NOD1: variants seen among roughly 807,000 people sequenced by gnomAD.
The protein encoded by NOD1 is nucleotide-binding oligomerization domain-containing protein 1.
In NOD1, 70 loss-of-function variants were observed where a neutral mutation model predicts 81.2. The observed-to-expected ratio is 0.86, with a 90% CI of 0.71 to 1.05. The LOEUF (loss-of-function observed/expected upper bound fraction) is 1.05. NOD1 is among the 50% of genes least tolerant of loss of function. The pLI, the probability that NOD1 is intolerant of heterozygous loss-of-function variation, is 0.00. For missense variants in NOD1, 1,233 were observed against 1,228.0 expected, an observed-to-expected ratio of 1.00 and a Z score of -0.06; for synonymous variants, 508 against 526.9, an observed-to-expected ratio of 0.96 and a Z score of 0.49.
chr7:30,445,907 TAG>T (rs572309454), intron 9 of NOD1, among the ~76,000 whole-genome samples: 150 of 150,554 alleles, frequency 1.0e-3, no homozygotes, highest in African/African-American at 3.5e-3. Flanking sequence ...GTCAAAACCA[TAG>T]AGAGAGTAAG....
intron 10 of NOD1, 25 bp downstream of exon 10, chr7:30,437,548 C>G: frequency 4.8e-6 from 7 of 1,468,222 alleles, no homozygotes; most frequent in Non-Finnish European, 6.3e-6. Context: ...AGGTTGGCCC[C>G]TGGAGACAGC....
intron 11 of NOD1, 64 bp downstream of exon 11, chr7:30,435,934 G>A (rs1784341658): frequency 1.5e-6 from 2 of 1,376,886 alleles, no homozygotes; most frequent in Admixed American, 3.4e-5. Flanking sequence ...CTCAAGCCTG[G>A]ACGACAAAGC....
chr7:30,475,585 G>A (rs1788689437), intron 1 of NOD1, among the ~76,000 whole-genome samples: 1 of 152,160 alleles, frequency 6.6e-6, no homozygotes, highest in Non-Finnish European at 1.5e-5. Context: ...CCCATTAGAG[G>A]ACCAAGGTGA....
chr7:30,461,910 T>C (rs1359683364), intron 1 of NOD1, among the ~76,000 whole-genome samples: 3 of 152,206 alleles, frequency 2.0e-5, no homozygotes, highest in Non-Finnish European at 4.4e-5. Flanking sequence ...AGCTAATTTT[T>C]TGTATTTTTA....
At chr7:30,453,300 G>C (rs1052384213) in intron 5 of NOD1, among the ~76,000 whole-genome samples, 1 of 152,048 alleles carries the variant, frequency 6.6e-6, no homozygotes, top group African/African-American at 2.4e-5. Context: ...ACTTCAGCTG[G>C]GATCAGTGTC....
chr7:30,469,011 C>T (rs1171426925), intron 1 of NOD1: 2 of 985,332 alleles, frequency 2.0e-6, no homozygotes, highest in Admixed American at 1.2e-4. Context: ...CCAAGCACAC[C>T]TTACACAGCT....
At chr7:30,429,283 CAG>C in intron 13 of NOD1, 89 bp downstream of exon 13, 1 of 1,145,878 alleles carries the variant, frequency 8.7e-7, no homozygotes, top group Non-Finnish European at 1.3e-6. Context: ...GAGGAATAAA[CAG>C]AAACCACCCT....
At position 30,424,786 on chromosome 7, in the gene NOD1, G is replaced by A. The variant is rs1288092535; in HGVS notation, c.*852C>T. On this transcript the variant is annotated 3_prime_UTR_variant, in exon 14 of 14. Transcript: ENST00000222823. ...ACAAAAGCAGCCATTTGGATGCCAG[G>A]GCCACAGGGGCAAGCCATGCCCTAT... is the stretch of plus-strand genomic sequence containing the variant. 1 of 152,372 alleles carries A rather than the reference G, an allele frequency of 6.6e-6. No homozygotes were observed. Among genetic ancestry groups the A allele is most frequent in the Non-Finnish European group, 1.5e-5 (1 of 68,098 alleles). The allele number at this position is 152,372 out of a possible 1,614,324, so 9.4% of individuals were successfully genotyped here.
intron 3 of NOD1, among the ~76,000 whole-genome samples, chr7:30,458,113 G>A (rs1236386102): frequency 6.6e-6 from 1 of 152,076 alleles, no homozygotes; most frequent in Non-Finnish European, 1.5e-5. Flanking sequence ...GTAGGAACAG[G>A]GACCCAGGCT....
intron 1 of NOD1, among the ~76,000 whole-genome samples, chr7:30,470,424 G>A (rs533650772): frequency 1.2e-4 from 18 of 152,320 alleles, no homozygotes; most frequent in African/African-American, 3.8e-4. Flanking sequence ...GAGGGTGCTC[G>A]ATAGGAACCG....
intron 1 of NOD1, among the ~76,000 whole-genome samples, chr7:30,475,119 C>T (rs925692673): frequency 4.6e-5 from 7 of 152,182 alleles, no homozygotes; most frequent in African/African-American, 1.7e-4. Flanking sequence ...AATTAGAAAA[C>T]GAATACTCTC....
intron 1 of NOD1, among the ~76,000 whole-genome samples, chr7:30,473,822 C>T (rs972319763): frequency 2.0e-5 from 3 of 152,148 alleles, no homozygotes; most frequent in African/African-American, 7.2e-5. Flanking sequence ...TGGTTAAGAA[C>T]AGGGACTCTG....
At chr7:30,469,203 G>A (rs186449616) in intron 1 of NOD1, 3 of 985,424 alleles carry the variant, frequency 3.0e-6, no homozygotes, top group Admixed American at 1.2e-4. Flanking sequence ...CCTCTGCCAT[G>A]CCAGAACACT....
rs761240451 is a variant in NOD1, at chr7:30,452,023, T to C, written c.1394A>G (p.Gln465Arg). The C allele has an allele frequency of 2.7e-5, 43 of 1,613,396 alleles. No homozygotes were observed. Among genetic ancestry groups the C allele is most frequent in the Non-Finnish European group, 1.6e-5 (19 of 1,179,974 alleles). Residue 465 changes from glutamine (Q) to arginine (R), a missense_variant, in exon 6 of 14, where the codon CAG becomes CGG. Physicochemically the swap from Gln to Arg is conservative, Grantham distance 43. Transcript: ENST00000222823. ...CTTCTCCATGCCCCGGTGGGCCACC[T>C]GCCCCAGCGAGCACAGAGTGTCCCG... ...AGRDTLCSLG[Q>R]VAHRGMEKSL... is the part of the protein sequence containing the mutation.
At chr7:30,429,510 C>A (rs1783761744) in intron 12 of NOD1, 53 bp from the exon 13 acceptor site, 2 of 1,528,994 alleles carry the variant, frequency 1.3e-6, no homozygotes, top group Non-Finnish European at 1.8e-6. Flanking sequence ...TCAAATTTGA[C>A]CCCTTCGTAA....
In NOD1 at chr7:30,427,540, CAG is replaced by C. The variant is rs1238759440; in HGVS notation, c.2789+1832_2790-1831del. 5.3e-5 allele frequency among the ~76,000 whole-genome samples: 8 copies of C among 152,226 alleles called. No individual in the cohort carries two copies. In the East Asian group the frequency reaches 1.5e-3, roughly 29 times the overall value. On this transcript the variant is annotated intron_variant, in intron 13 of 13. Coordinates refer to ENST00000222823, the MANE Select transcript of NOD1 (RefSeq NM_006092.4). Reference sequence around the variant, plus strand: ...GAGCCCAGTCCCATGAAGTCACACACAGAGGAGCATGCTCTGGAGGCTCCCAG... The same window carrying C: ...GAGCCCAGTCCCATGAAGTCACACACAGGAGCATGCTCTGGAGGCTCCCAG...
intron 1 of NOD1, among the ~76,000 whole-genome samples, chr7:30,475,533 T>G (rs1399514178): frequency 1.3e-5 from 2 of 152,226 alleles, no homozygotes; most frequent in African/African-American, 4.8e-5. Flanking sequence ...AAAATTGCCT[T>G]GTTGGCTCTA....
At chr7:30,449,939 C>T (rs1198173481) in intron 6 of NOD1, among the ~76,000 whole-genome samples, 1 of 152,172 alleles carries the variant, frequency 6.6e-6, no homozygotes, top group East Asian at 1.9e-4. Context: ...ATGCCTGTAA[C>T]CCCAACATTT....
rs2128049401 is a variant in NOD1, at chr7:30,451,122, T to C, written c.2201+94A>G. 1 of 1,402,510 alleles carries C rather than the reference T, an allele frequency of 7.1e-7. No homozygotes were observed. The highest frequency in any genetic ancestry group is 9.7e-7 in the Non-Finnish European group (1 of 1,035,836). The allele number at this position is 1,402,510 out of a possible 1,614,324, so 86.9% of individuals were successfully genotyped here. ...ACATTCCAAGGGCCATGGTCATGAG[T>C]CCTGGGGGATCCTGGTCCATGATGC... On this transcript the variant is annotated intron_variant, in intron 6 of 13. Coordinates refer to ENST00000222823, the MANE Select transcript of NOD1 (RefSeq NM_006092.4). This position sits in a 1 kb window ranked among gnomAD's most constrained non-coding sequence, Gnocchi z 4.2.
Sources: allele counts gnomAD v4.1 joint callset (sites outside exome capture counted in the v4.1 genomes callset), GRCh38; gene constraint gnomAD v4.1.1; non-coding constraint Gnocchi (gnomAD v3.1); transcripts MANE v1.5; gene names NCBI Gene and HGNC (gene_info 2026-07-23, HGNC 2026-07-21).